TMEM132D: variants seen among roughly 807,000 people sequenced by gnomAD.
The protein encoded by TMEM132D is mature OL transmembrane protein.
TMEM132D carries 21 observed loss-of-function variants against 62.3 expected under a neutral mutation model. The observed-to-expected ratio is 0.34, with a 90% CI of 0.24 to 0.49. The LOEUF (loss-of-function observed/expected upper bound fraction) is 0.49, where lower values mean the gene tolerates loss of function less well. Among genes scored for constraint, TMEM132D ranks in the 20% least tolerant of loss-of-function variants. TMEM132D has a pLI of 0.99. For missense variants in TMEM132D, 1,346 were observed against 1,402.8 expected (o/e 0.96, Z 0.65); for synonymous variants, 621 against 575.6 (o/e 1.08, Z -1.13).
chr12:129,209,923 A>G, intron 4 of TMEM132D: 1 of 479,054 alleles, frequency 2.1e-6, no homozygotes, highest in East Asian at 3.5e-5. Context: ...ATTTATTACT[A>G]ATATTGTGTT....
chr12:129,330,264 A>G (rs1311567705), intron 4 of TMEM132D, among the ~76,000 whole-genome samples: 4 of 152,200 alleles, frequency 2.6e-5, no homozygotes, highest in Non-Finnish European at 5.9e-5. Context: ...CATGCTAATG[A>G]GAAAACAGCA....
Position 129,073,952 on chromosome 12 carries a change from A to T in TMEM132D, c.3223T>A (p.Trp1075Arg), listed in dbSNP as rs1185227947. 11 of 1,611,232 alleles carry T rather than the reference A, an allele frequency of 6.8e-6. No individual in the cohort carries two copies. Among genetic ancestry groups the T allele is most frequent in the Non-Finnish European group, 9.3e-6 (11 of 1,178,576 alleles). The change falls in exon 9 of 9, where the codon TGG becomes AGG. Residue 1075 changes from tryptophan to arginine, a missense_variant. Coordinates refer to ENST00000422113, the MANE Select transcript of TMEM132D (RefSeq NM_133448.3). ...IVMSSEDDIKWVCQDLDPGDC... is the reference protein window; with the variant it reads ...IVMSSEDDIKRVCQDLDPGDC... The stretch of plus-strand genomic sequence containing the variant: ...CCAGGGTCCAGATCCTGGCAGACCC[A>T]CTTAATGTCATCCTCGCTACTCATC...
At chr12:129,420,315 T>TTTTG (rs1566063099) in intron 3 of TMEM132D, among the ~76,000 whole-genome samples, 2 of 58,132 alleles carry the variant, frequency 3.4e-5, no homozygotes, top group African/African-American at 9.9e-5. Flanking sequence ...TGTTTTTTTT[T>TTTTG]TTTTTTTTTT....
chr12:129,389,728 A>T (rs1306976772), intron 3 of TMEM132D, among the ~76,000 whole-genome samples: 1 of 152,238 alleles, frequency 6.6e-6, no homozygotes, highest in Non-Finnish European at 1.5e-5. Flanking sequence ...CCTTTCCTGT[A>T]TGTGGTCTAG....
intron 5 of TMEM132D, among the ~76,000 whole-genome samples, chr12:129,144,735 T>A (rs560358087): frequency 5.3e-5 from 8 of 150,750 alleles, no homozygotes; most frequent in African/African-American, 1.7e-4. Context: ...CTACGTATCA[T>A]TCATCTAACA....
At chr12:129,205,610 A>G (rs1205803729) in intron 5 of TMEM132D, among the ~76,000 whole-genome samples, 1 of 152,146 alleles carries the variant, frequency 6.6e-6, no homozygotes, top group Non-Finnish European at 1.5e-5. Context: ...AAATCATTGA[A>G]GCAGAAAATT....
chr12:129,612,109 G>A (rs921267398), intron 2 of TMEM132D, among the ~76,000 whole-genome samples: 5 of 152,294 alleles, frequency 3.3e-5, no homozygotes, highest in Admixed American at 6.5e-5. Flanking sequence ...ACTCATTTGC[G>A]AAAGGAGAGC....
intron 2 of TMEM132D, among the ~76,000 whole-genome samples, chr12:129,623,109 T>G (rs1283769995): frequency 6.6e-6 from 1 of 152,128 alleles, no homozygotes; most frequent in Non-Finnish European, 1.5e-5. Context: ...AGCATTGGAT[T>G]CATGGGATTT....
intron 3 of TMEM132D, among the ~76,000 whole-genome samples, chr12:129,479,668 C>T (rs1874376670): frequency 6.6e-6 from 1 of 152,100 alleles, no homozygotes; most frequent in Non-Finnish European, 1.5e-5. Context: ...AAAGTAAAGC[C>T]CGTGTGAGGG....
chr12:129,681,623 G>C (rs1206639375), intron 2 of TMEM132D: 1 of 152,190 alleles, frequency 6.6e-6, no homozygotes, highest in Admixed American at 6.5e-5. Context: ...AGCTTCCTTT[G>C]ATCTATCCTC....
intron 3 of TMEM132D, among the ~76,000 whole-genome samples, chr12:129,482,659 C>T (rs1011474647): frequency 2.6e-5 from 4 of 152,012 alleles, no homozygotes; most frequent in Admixed American, 2.0e-4. Flanking sequence ...AGCAAAATAG[C>T]TTTTTAAAAA....
rs1213363337 is a variant in TMEM132D, at chr12:129,140,152, G to T, written c.1444-55450C>A. On this transcript the variant is annotated intron_variant, in intron 5 of 8. Coordinates refer to ENST00000422113, the MANE Select transcript of TMEM132D (RefSeq NM_133448.3). ...TTTGGGTAATTATACACAATTCTGT[G>T]AATGCCGCAGTCAATTGTATGGTGT... Among the ~76,000 whole-genome samples, 5 of 151,834 alleles carry T rather than the reference G, an allele frequency of 3.3e-5. No individual in the cohort carries two copies. In the East Asian group the frequency reaches 9.7e-4, roughly 29 times the overall value.
At chr12:129,209,892 A>G in intron 4 of TMEM132D, 1 of 552,896 alleles carries the variant, frequency 1.8e-6, no homozygotes, top group Non-Finnish European at 3.2e-6. Flanking sequence ...GGGGTGGAGG[A>G]CAGAAAAGGT....
At chr12:129,317,345 G>A (rs555984277) in intron 4 of TMEM132D, among the ~76,000 whole-genome samples, 8 of 152,262 alleles carry the variant, frequency 5.3e-5, no homozygotes, top group East Asian at 1.9e-4. Flanking sequence ...TGGTAATGGC[G>A]AAGTCTCTCA....
At chr12:129,644,596 C>A (rs2137177747) in intron 2 of TMEM132D, among the ~76,000 whole-genome samples, 1 of 152,188 alleles carries the variant, frequency 6.6e-6, no homozygotes, top group Non-Finnish European at 1.5e-5. Context: ...AGTGCCGTTA[C>A]AACAATAAGA....
intron 2 of TMEM132D, among the ~76,000 whole-genome samples, chr12:129,687,806 C>A (rs1880968919): frequency 6.6e-6 from 1 of 152,094 alleles, no homozygotes; most frequent in South Asian, 2.1e-4. Context: ...CTCTGGAACC[C>A]CCAAGAGCCT....
intron 1 of TMEM132D, among the ~76,000 whole-genome samples, chr12:129,780,167 T>C (rs1389128702): frequency 1.3e-5 from 2 of 151,868 alleles, no homozygotes; most frequent in African/African-American, 4.8e-5. Context: ...ACCGGTCGCT[T>C]TTCTGCCTTT....
chr12:129,565,328 G>C (rs1877339367), intron 2 of TMEM132D, among the ~76,000 whole-genome samples: 1 of 152,230 alleles, frequency 6.6e-6, no homozygotes, highest in Non-Finnish European at 1.5e-5. Context: ...ACTTGAGATA[G>C]AGGCAGGGAC....
At chr12:129,157,049 TAATC>T (rs1877268517) in intron 5 of TMEM132D, among the ~76,000 whole-genome samples, 1 of 152,030 alleles carries the variant, frequency 6.6e-6, no homozygotes, top group Non-Finnish European at 1.5e-5. Context: ...CTACAATAAT[TAATC>T]AACTTCTCCA....
Sources: gnomAD v4.1 joint callset for allele counts (sites outside exome capture counted in the v4.1 genomes callset) on GRCh38, gnomAD v4.1.1 for gene constraint, MANE v1.5 for transcripts, NCBI Gene and HGNC (gene_info 2026-07-23, HGNC 2026-07-21) for gene names.